Variants in FAT4 observed in about 807,000 individuals in gnomAD.
The protein encoded by FAT4 is protocadherin Fat 4.
In FAT4, 84 loss-of-function variants were observed where a neutral mutation model predicts 303.9. The ratio of observed to expected loss-of-function variants is 0.28; its 90% CI spans 0.23 to 0.33. The LOEUF (loss-of-function observed/expected upper bound fraction) is 0.33. Ranked by LOEUF, FAT4 falls within the 10% of genes least tolerant of loss-of-function variation. The pLI is 1.00. For missense variants in FAT4, 6,005 were observed against 6,146.8 expected (o/e 0.98, Z 0.77); for synonymous variants, 2,307 against 2,298.8 (o/e 1.00, Z -0.10).
At position 125,321,176 on chromosome 4, in the gene FAT4, G is replaced by A. The variant is rs1730926424; in HGVS notation, c.4765G>A (p.Ala1589Thr). The A allele has an allele frequency of 1.2e-6, 2 of 1,614,184 alleles. No homozygotes were observed. Among genetic ancestry groups the A allele is most frequent in the Non-Finnish European group, 1.7e-6 (2 of 1,180,018 alleles). Residue 1589 changes from alanine (A) to threonine (T), a missense_variant, in exon 2 of 18, where the codon GCG (alanine) becomes ACG (threonine). Physicochemically the swap from Ala to Thr is moderately conservative, Grantham distance 58. Coordinates refer to ENST00000394329, the MANE Select transcript of FAT4 (RefSeq NM_001291303.3). ...RYSGDLRVAS[A>T]LVPSQLIYNL... Reference sequence around the variant, plus strand: ...TAGTGGAGACCTGAGAGTGGCTTCAGCGTTGGTGCCTTCACAGTTGATCTA... The same window carrying A: ...TAGTGGAGACCTGAGAGTGGCTTCAACGTTGGTGCCTTCACAGTTGATCTA...
chr4:125,408,306 T>C (rs1460936216), intron 4 of FAT4, 138 bp from the exon 5 acceptor site: 1 of 556,858 alleles, frequency 1.8e-6, no homozygotes, highest in East Asian at 3.0e-5. Context: ...CAGAATGTTA[T>C]GTTCACTGTA....
intron 2 of FAT4, among the ~76,000 whole-genome samples, chr4:125,324,738 C>T (rs193170115): frequency 3.9e-5 from 6 of 152,170 alleles, no homozygotes; most frequent in South Asian, 2.1e-4. Context: ...CCCCTTTATG[C>T]TCTTAAGAAT....
At position 125,320,182 on chromosome 4, in the gene FAT4, G is replaced by C; in HGVS notation, c.3771G>C (p.Gln1257His). The change falls in exon 2 of 18, where the codon CAG (glutamine) becomes CAC (histidine). Residue 1257 changes from glutamine to histidine, a missense_variant. Transcript: ENST00000394329. ...YSIIKGNEER[Q>H]FAIDSTSGQV... is the part of the protein sequence containing the mutation. Reference sequence around the variant, plus strand: ...TAATAAAAGGAAATGAAGAAAGACAGTTTGCTATAGACAGTACCTCTGGTC... The same window carrying C: ...TAATAAAAGGAAATGAAGAAAGACACTTTGCTATAGACAGTACCTCTGGTC... 1 of 1,613,792 alleles carries C rather than the reference G, an allele frequency of 6.2e-7. No homozygotes were observed. The highest frequency in any genetic ancestry group is 8.5e-7 in the Non-Finnish European group (1 of 1,179,720).
rs556088051 is a variant in FAT4, at chr4:125,462,292, T to C, written c.11801-1271T>C. Among the ~76,000 whole-genome samples the C allele has an allele frequency of 2.6e-5, 4 of 152,082 alleles. No homozygotes were observed. In the South Asian group the frequency reaches 6.2e-4, roughly 24 times the overall value. On this transcript the variant is annotated intron_variant, in intron 10 of 17. Coordinates refer to ENST00000394329, the MANE Select transcript of FAT4 (RefSeq NM_001291303.3). ...AGTTAGTATGATGAAATGAAGTATCTATGCTCAGCAGTAGGTCTCGTTGTG... is the reference window on the plus strand; with the variant it reads ...AGTTAGTATGATGAAATGAAGTATCCATGCTCAGCAGTAGGTCTCGTTGTG...
chr4:125,448,322 G>A, intron 9 of FAT4, 139 bp from the exon 10 acceptor site: 4 of 748,216 alleles, frequency 5.3e-6, no homozygotes, highest in Non-Finnish European at 8.5e-6. Flanking sequence ...GAAAATATAG[G>A]AGATACTGTT....
At position 125,449,547 on chromosome 4, in the gene FAT4, G is replaced by A. The variant is rs373393333; in HGVS notation, c.8537G>A (p.Arg2846Gln). The A allele has an allele frequency of 5.4e-5, 87 of 1,613,416 alleles. No homozygotes were observed. Among genetic ancestry groups the A allele is most frequent in the South Asian group, 4.5e-4 (41 of 91,050 alleles). ...GAAGATACAGACCGTTACAGAATTC[G>A]AGTTTCCGCACATGATTCTGGGTGG... ...NREDTDRYRI[R>Q]VSAHDSGWTV... Residue 2846 changes from arginine (R) to glutamine (Q), a missense_variant, in exon 10 of 18, where the codon CGA becomes CAA. By Grantham distance (43) the Arg-to-Gln change is conservative (BLOSUM62 1). Coordinates refer to ENST00000394329, the MANE Select transcript of FAT4 (RefSeq NM_001291303.3).
chr4:125,440,610 T>TGTGTGAGAGAGAGA (rs372756130), intron 8 of FAT4, among the ~76,000 whole-genome samples: 1,677 of 75,734 alleles, frequency 0.022, 97 homozygotes, highest in African/African-American at 0.089. Flanking sequence ...TGTGTGTGTG[T>TGTGTGAGAGAGAGA]GAGAGAGAGA....
intron 9 of FAT4, among the ~76,000 whole-genome samples, chr4:125,447,126 T>C (rs1184290568): frequency 6.6e-6 from 1 of 152,136 alleles, no homozygotes; most frequent in African/African-American, 2.4e-5. Flanking sequence ...CATTTTCATA[T>C]TGACAATATG....
chr4:125,405,123 T>TGTTTGGATTTTGGGGC (rs1312819767), intron 3 of FAT4, among the ~76,000 whole-genome samples: 3 of 152,078 alleles, frequency 2.0e-5, no homozygotes, highest in Admixed American at 2.0e-4. Context: ...CACTTGGAAA[T>TGTTTGGATTTTGGGGC]GTTTGGATTT....
intron 2 of FAT4, among the ~76,000 whole-genome samples, chr4:125,357,297 C>T (rs1278875417): frequency 1.3e-5 from 2 of 151,920 alleles, no homozygotes; most frequent in African/African-American, 2.4e-5. Flanking sequence ...CCAGTTTTTT[C>T]ATGAATTTAG....
At position 125,318,831 on chromosome 4, in the gene FAT4, C is replaced by G. The variant is rs1039808; in HGVS notation, c.2420C>G (p.Ala807Gly). 6.2e-7 allele frequency: 1 copy of G among 1,613,810 alleles called. No homozygotes were observed. The highest frequency in any genetic ancestry group is 1.7e-5 in the Admixed American group (1 of 59,990). The change falls in exon 2 of 18, where the codon GCG becomes GGG. Residue 807 changes from alanine to glycine, a missense_variant. Physicochemically the swap from Ala to Gly is moderately conservative, Grantham distance 60. Coordinates refer to ENST00000394329, the MANE Select transcript of FAT4 (RefSeq NM_001291303.3). ...AYSFVVFENV[A>G]LGYHVGSVSA... Reference sequence around the variant, plus strand: ...AGCTTTGTGGTTTTTGAGAACGTGGCGCTGGGATATCATGTGGGTAGTGTG... The same window carrying G: ...AGCTTTGTGGTTTTTGAGAACGTGGGGCTGGGATATCATGTGGGTAGTGTG...
Position 125,481,674 on chromosome 4 carries a change from G to C in FAT4, c.12758G>C (p.Arg4253Thr). ...FGVNSLEVKF[R>T]TRSENGVLIH... ...GTGAACAGTCTGGAAGTAAAATTTA[G>C]GACCAGAAGCGAGAATGGCGTTTTA... Residue 4253 changes from arginine (R) to threonine (T), a missense_variant, in exon 16 of 18, where the codon AGG becomes ACG. Coordinates refer to ENST00000394329, the MANE Select transcript of FAT4 (RefSeq NM_001291303.3). The C allele has an allele frequency of 6.2e-7, 1 of 1,614,002 alleles. No individual in the cohort carries two copies. Among genetic ancestry groups the C allele is most frequent in the Non-Finnish European group, 8.5e-7 (1 of 1,179,932 alleles).
In FAT4 at chr4:125,483,910, A is replaced by G. The variant is rs1727312027; in HGVS notation, c.12822+2172A>G. ...TGGACTTTTACTTATCAATTAGCTT[A>G]TTGGTCACCAAGACCCCAGGGTTCC... On this transcript the variant is annotated intron_variant, in intron 16 of 17. Coordinates refer to ENST00000394329, the MANE Select transcript of FAT4 (RefSeq NM_001291303.3). 3.0e-5 allele frequency among the ~76,000 whole-genome samples: 4 copies of G among 134,414 alleles called. No homozygotes were observed. The Admixed American group carries it at 3.0e-4, about 10-fold the overall frequency. The allele number at this position is 134,414 out of a possible 152,430, so 88.2% of individuals were successfully genotyped here.
Position 125,319,957 on chromosome 4 carries a change from A to G in FAT4, c.3546A>G (p.Thr1182=), listed in dbSNP as rs1356907238. The change falls in exon 2 of 18, where the codon ACA becomes ACG. Residue 1182 remains threonine, a synonymous_variant. Coordinates refer to ENST00000394329, the MANE Select transcript of FAT4 (RefSeq NM_001291303.3). ...TAVFSFTVIA[T]DQGIPQPLKD... ...TGTTTAGCTTTACAGTCATAGCAAC[A>G]GATCAGGGGATCCCTCAGCCTCTCA... 4 of 1,613,276 alleles carry G rather than the reference A, an allele frequency of 2.5e-6. No homozygotes were observed. In the African/African-American group the frequency reaches 5.3e-5, roughly 22 times the overall value.
At position 125,408,723 on chromosome 4, in the gene FAT4, G is replaced by A. The variant is rs775938488; in HGVS notation, c.5849G>A (p.Ser1950Asn). The A allele has an allele frequency of 4.3e-6, 7 of 1,610,670 alleles. No individual in the cohort carries two copies. In the Admixed American group the frequency reaches 1.0e-4, roughly 23 times the overall value. ...NPPIFSLNSY[S>N]TSLMENLPVG... The stretch of plus-strand genomic sequence containing the variant: ...CCTATTTTCAGCTTGAATTCATACA[G>A]CACATCTTTAATGGAGAATCTACCT... Residue 1950 changes from serine to asparagine, a missense_variant, in exon 5 of 18, where the codon AGC (serine) becomes AAC (asparagine). Ser to Asn is a conservative substitution (Grantham distance 46). Transcript: ENST00000394329.
intron 7 of FAT4, among the ~76,000 whole-genome samples, chr4:125,432,311 A>G (rs10021618): frequency 0.43 from 65,251 of 152,034 alleles, 14,211 homozygotes; most frequent in Non-Finnish European, 0.46. Context: ...GCCTTGAAAA[A>G]GCTACTTAAA....
intron 12 of FAT4, among the ~76,000 whole-genome samples, chr4:125,472,096 T>C (rs1726885837): frequency 7.0e-6 from 1 of 143,196 alleles, no homozygotes. Context: ...AAAAGGGTAG[T>C]TACTGGTAAG....
At chr4:125,452,847 A>G (rs1726146885) in intron 10 of FAT4, 37 bp downstream of exon 10, 1 of 1,544,278 alleles carries the variant, frequency 6.5e-7, no homozygotes. Context: ...CTAAGACTTT[A>G]GCCATGTCAA....
chr4:125,382,039 G>A (rs1733561455), intron 2 of FAT4, among the ~76,000 whole-genome samples: 1 of 152,108 alleles, frequency 6.6e-6, no homozygotes, highest in African/African-American at 2.4e-5. Context: ...TCTAATTCTA[G>A]TTTTCTTGCT....
Sources: gnomAD v4.1 joint callset for allele counts (sites outside exome capture counted in the v4.1 genomes callset) on GRCh38, gnomAD v4.1.1 for gene constraint, MANE v1.5 for transcripts, NCBI Gene and HGNC (gene_info 2026-07-23, HGNC 2026-07-21) for gene names.